The following PRKG1 variants were observed in gnomAD, a reference collection of about 807,000 sequenced individuals.
PRKG1 encodes protein kinase cGMP-dependent 1.
In PRKG1, 35 loss-of-function variants were observed where a neutral mutation model predicts 88.1. The ratio of observed to expected loss-of-function variants is 0.40; its 90% CI spans 0.30 to 0.53. The LOEUF is 0.53. PRKG1 is among the 20% of genes least tolerant of loss of function. PRKG1 has a pLI of 0.59. For synonymous variants in PRKG1, 303 were observed against 292.5 expected, an observed-to-expected ratio of 1.04 and a Z score of -0.37; for missense variants, 540 against 839.8, an observed-to-expected ratio of 0.64 and a Z score of 4.41.
chr10:52,066,717 C>T (rs985915459), intron 7 of PRKG1, among the ~76,000 whole-genome samples: 1 of 152,088 alleles, frequency 6.6e-6, no homozygotes, highest in Non-Finnish European at 1.5e-5. Context: ...AATGTAACCT[C>T]GGCTTTTTAA....
intron 3 of PRKG1, among the ~76,000 whole-genome samples, chr10:51,770,397 A>T (rs1269271943): frequency 6.6e-6 from 1 of 152,204 alleles, no homozygotes; most frequent in Non-Finnish European, 1.5e-5. Context: ...TATGGTATTT[A>T]AAGTTATTAA....
chr10:51,964,354 A>T (rs1477056513), intron 5 of PRKG1, among the ~76,000 whole-genome samples: 2 of 152,234 alleles, frequency 1.3e-5, no homozygotes, highest in Non-Finnish European at 2.9e-5. Context: ...CTTCAAATAC[A>T]TCTTTATGTT....
intron 3 of PRKG1, among the ~76,000 whole-genome samples, chr10:51,597,881 C>T (rs909252534): frequency 1.3e-5 from 2 of 152,060 alleles, no homozygotes; most frequent in African/African-American, 4.8e-5. Context: ...TTCTTAAAAA[C>T]CAGATTCCTC....
chr10:52,211,838 A>G (rs1420657714), intron 9 of PRKG1, among the ~76,000 whole-genome samples: 1 of 151,932 alleles, frequency 6.6e-6, no homozygotes, highest in East Asian at 1.9e-4. Flanking sequence ...TGGCAATTCT[A>G]CCCCTCCAGA....
intron 3 of PRKG1, among the ~76,000 whole-genome samples, chr10:51,702,385 C>A (rs1480151379): frequency 3.3e-5 from 5 of 152,194 alleles, no homozygotes; most frequent in Non-Finnish European, 4.4e-5. Flanking sequence ...GTCCCCAAAT[C>A]AAGAGCTCAG....
intron 2 of PRKG1, among the ~76,000 whole-genome samples, chr10:51,372,073 A>G (rs986954034): frequency 2.0e-5 from 3 of 152,020 alleles, no homozygotes; most frequent in African/African-American, 7.2e-5. Context: ...GAAACATAAT[A>G]AAAAACATAT....
chr10:51,172,334 A>G (rs556263194), intron 2 of PRKG1, among the ~76,000 whole-genome samples: 71 of 152,230 alleles, frequency 4.7e-4, no homozygotes, highest in African/African-American at 1.6e-3. Flanking sequence ...GGCATAAGCT[A>G]TATAACATTT....
intron 2 of PRKG1, among the ~76,000 whole-genome samples, chr10:51,188,828 A>G (rs1481302502): frequency 6.6e-6 from 1 of 151,966 alleles, no homozygotes; most frequent in Admixed American, 6.6e-5. Flanking sequence ...GACCTGGGCC[A>G]AATTCAGGCA....
chr10:51,626,340 G>A (rs775539444), intron 3 of PRKG1, among the ~76,000 whole-genome samples: 4 of 152,190 alleles, frequency 2.6e-5, no homozygotes, highest in Non-Finnish European at 4.4e-5. Flanking sequence ...TGACATTTTA[G>A]TGATTAGGAG....
At chr10:52,281,088 T>C (rs1028557031) in intron 13 of PRKG1, among the ~76,000 whole-genome samples, 158 bp downstream of exon 13, 1 of 152,186 alleles carries the variant, frequency 6.6e-6, no homozygotes, top group African/African-American at 2.4e-5. Flanking sequence ...TGAATGTTCT[T>C]TCAAATGATG....
chr10:51,604,559 T>A (rs1838705996), intron 3 of PRKG1, among the ~76,000 whole-genome samples: 1 of 152,216 alleles, frequency 6.6e-6, no homozygotes, highest in African/African-American at 2.4e-5. Context: ...GGAAAGTGGA[T>A]GCAATGTAAA....
intron 2 of PRKG1, among the ~76,000 whole-genome samples, chr10:51,195,326 G>A (rs191197345): frequency 4.6e-5 from 7 of 152,204 alleles, no homozygotes; most frequent in Admixed American, 4.6e-4. Context: ...AGTGTTACTG[G>A]CACTTGAGTT....
At chr10:51,727,091 T>G (rs1392936324) in intron 3 of PRKG1, among the ~76,000 whole-genome samples, 1 of 151,976 alleles carries the variant, frequency 6.6e-6, no homozygotes. Context: ...GTCTGACATA[T>G]TTTTATGGAC....
At chr10:52,152,479 G>C (rs1375796978) in intron 8 of PRKG1, among the ~76,000 whole-genome samples, 2 of 151,956 alleles carry the variant, frequency 1.3e-5, no homozygotes, top group Non-Finnish European at 2.9e-5. Context: ...TGCATGGGTT[G>C]GTCAGTCCTG....
At chr10:52,034,772 A>T (rs10823991) in intron 5 of PRKG1, among the ~76,000 whole-genome samples, 106,976 of 151,666 alleles carry the variant, frequency 0.71, 37,958 homozygotes, top group South Asian at 0.79. Flanking sequence ...GATAGTAGGG[A>T]TGACAAGTTT....
At chr10:52,100,412 C>T (rs1259954931) in intron 7 of PRKG1, among the ~76,000 whole-genome samples, 1 of 152,120 alleles carries the variant, frequency 6.6e-6, no homozygotes, top group Non-Finnish European at 1.5e-5. Flanking sequence ...TTGTTACATG[C>T]TAAAATAAAT....
At chr10:51,001,137 G>A (rs968988690) in intron 1 of PRKG1, among the ~76,000 whole-genome samples, 2 of 152,190 alleles carry the variant, frequency 1.3e-5, no homozygotes, top group African/African-American at 4.8e-5. Context: ...AAACTCTCTT[G>A]CCTTGAGACA....
intron 9 of PRKG1, among the ~76,000 whole-genome samples, chr10:52,170,402 G>GT: frequency 6.6e-6 from 1 of 152,272 alleles, no homozygotes; most frequent in Middle Eastern, 3.4e-3. Flanking sequence ...CAAGAAAGAT[G>GT]TATCTATGGT....
rs1265094836 is a variant in PRKG1, at chr10:52,271,356, T to C, written c.1180T>C (p.Leu394=). 1.2e-6 allele frequency: 2 copies of C among 1,612,222 alleles called. No homozygotes were observed. The highest frequency in any genetic ancestry group is 2.2e-5 in the East Asian group (1 of 44,782). ...GGFGRVELVQ[L]KSEESKTFAM... ...TCTTCTCTCTTTCTTTAAGGTCCAG[T>C]TGAAAAGTGAAGAATCCAAAACGTT... Residue 394 remains leucine, a synonymous_variant, in exon 11 of 18, where the codon TTG becomes CTG. Transcript: ENST00000373980.
Sources: allele counts gnomAD v4.1 joint callset (sites outside exome capture counted in the v4.1 genomes callset), GRCh38; gene constraint gnomAD v4.1.1; transcripts MANE v1.5; gene names NCBI Gene and HGNC (gene_info 2026-07-23, HGNC 2026-07-21).